CAPRIN1: variants seen among roughly 807,000 people sequenced by gnomAD.
The protein encoded by CAPRIN1 is cell cycle associated protein 1.
In CAPRIN1, 29 loss-of-function variants were observed where a neutral mutation model predicts 100.9. That is an observed-to-expected ratio of 0.29 (90% CI 0.21 to 0.39). The LOEUF (loss-of-function observed/expected upper bound fraction) is 0.39, where lower values mean the gene tolerates loss of function less well. Ranked by LOEUF, CAPRIN1 falls within the 10% of genes least tolerant of loss-of-function variation. The pLI is 1.00. For missense variants in CAPRIN1, 795 were observed against 876.7 expected, an observed-to-expected ratio of 0.91 and a Z score of 1.18; for synonymous variants, 338 against 307.5, an observed-to-expected ratio of 1.10 and a Z score of -1.04.
chr11:34,072,092 T>G (rs1850813694), intron 4 of CAPRIN1, 105 bp downstream of exon 4: 8 of 656,194 alleles, frequency 1.2e-5, no homozygotes, highest in Non-Finnish European at 2.1e-5. Context: ...GAGACAGTTG[T>G]ATCCAATTAT....
At position 34,101,934 on chromosome 11, in the gene CAPRIN1, G is replaced by T. The variant is rs1234225606; in HGVS notation, c.*2567G>T. ...TGCATAATATAAATCATCTCATGTG[G>T]ATATGAAACTTCTTTTTTAAAACTT... On this transcript the variant is annotated 3_prime_UTR_variant, in exon 19 of 19. Coordinates refer to ENST00000341394, the MANE Select transcript of CAPRIN1 (RefSeq NM_005898.5). Among the ~76,000 whole-genome samples, 1 of 152,068 alleles carries T rather than the reference G, an allele frequency of 6.6e-6. No individual in the cohort carries two copies. Among genetic ancestry groups the T allele is most frequent in the African/African-American group, 2.4e-5 (1 of 41,414 alleles).
chr11:34,062,674 A>AG (rs1850605970), intron 2 of CAPRIN1, among the ~76,000 whole-genome samples: 1 of 151,102 alleles, frequency 6.6e-6, no homozygotes. Context: ...GAAAGTTGAG[A>AG]GGAAAAGAAA....
At chr11:34,089,877 A>G (rs935737026) in intron 12 of CAPRIN1, 4 of 194,628 alleles carry the variant, frequency 2.1e-5, no homozygotes, top group Admixed American at 5.7e-5. Context: ...TGAGAATTTC[A>G]GAAGACATAG....
chr11:34,056,175 C>T (rs116125562), intron 2 of CAPRIN1, among the ~76,000 whole-genome samples: 173 of 152,274 alleles, frequency 1.1e-3, no homozygotes, highest in African/African-American at 3.9e-3. Context: ...TAGCAACTTA[C>T]ATTTGAGCTT....
At chr11:34,077,177 A>G (rs1850924841) in intron 6 of CAPRIN1, among the ~76,000 whole-genome samples, 1 of 152,240 alleles carries the variant, frequency 6.6e-6, no homozygotes, top group East Asian at 1.9e-4. Flanking sequence ...AACACCAGCA[A>G]CAAACAACTA....
intron 6 of CAPRIN1, among the ~76,000 whole-genome samples, chr11:34,078,778 C>T (rs1411149169): frequency 1.3e-5 from 2 of 152,070 alleles, no homozygotes; most frequent in Non-Finnish European, 2.9e-5. Context: ...AATGCTCTTT[C>T]TTCTCCCTTG....
chr11:34,096,845 T>C (rs1851376823), intron 16 of CAPRIN1, among the ~76,000 whole-genome samples, 172 bp downstream of exon 16: 1 of 152,254 alleles, frequency 6.6e-6, no homozygotes, highest in African/African-American at 2.4e-5. Context: ...TAATTTGTTA[T>C]TTAAATAACA....
intron 2 of CAPRIN1, among the ~76,000 whole-genome samples, chr11:34,065,442 G>T (rs1008601375): frequency 4.6e-5 from 7 of 152,188 alleles, no homozygotes; most frequent in Admixed American, 3.9e-4. Context: ...CAAATTGCTG[G>T]GTTCCCCCAG....
intron 15 of CAPRIN1, among the ~76,000 whole-genome samples, chr11:34,092,700 A>G (rs1851286100): frequency 6.6e-6 from 1 of 152,216 alleles, no homozygotes; most frequent in South Asian, 2.1e-4. Context: ...GAAGGCTTTT[A>G]GCATGATATC....
At position 34,096,533 on chromosome 11, in the gene CAPRIN1, A is replaced by G. The variant is rs759068488; in HGVS notation, c.1760A>G (p.His587Arg). 3.7e-6 allele frequency: 6 copies of G among 1,614,140 alleles called. No individual in the cohort carries two copies. The highest frequency in any genetic ancestry group is 1.3e-5 in the African/African-American group (1 of 75,038). ...CAGTCCCATCAAGTGACTGGTAACC[A>G]CCAGCAGCCTCCTCAGCAGAACACT... is the stretch of plus-strand genomic sequence containing the variant. ...PDQSHQVTGN[H>R]QQPPQQNTGF... The change falls in exon 16 of 19, where the codon CAC becomes CGC. Residue 587 changes from histidine (H) to arginine (R), a missense_variant. Transcript: ENST00000341394.
At chr11:34,070,963 A>G (rs770717485) in intron 2 of CAPRIN1, among the ~76,000 whole-genome samples, 2 of 151,714 alleles carry the variant, frequency 1.3e-5, no homozygotes, top group East Asian at 2.0e-4. Context: ...TGGCCTCCCA[A>G]AGTGCTGGGA....
intron 2 of CAPRIN1, among the ~76,000 whole-genome samples, chr11:34,058,058 T>G (rs17699090): frequency 0.082 from 12,517 of 152,084 alleles, 525 homozygotes; most frequent in Non-Finnish European, 0.092. Context: ...CCTTAGAATT[T>G]AGTCCAGTTC....
intron 4 of CAPRIN1, among the ~76,000 whole-genome samples, chr11:34,074,932 A>G (rs1219097847): frequency 6.7e-6 from 1 of 149,730 alleles, no homozygotes; most frequent in Non-Finnish European, 1.5e-5. Flanking sequence ...TAATCCTAGT[A>G]TTTTAAGGAG....
chr11:34,090,315 C>A, intron 13 of CAPRIN1, 26 bp downstream of exon 13: 1 of 1,476,562 alleles, frequency 6.8e-7, no homozygotes, highest in South Asian at 1.1e-5. Flanking sequence ...GGGTCACATA[C>A]ATTTGATGAG....
At chr11:34,053,807 C>T (rs559682711) in intron 2 of CAPRIN1, 1 of 152,180 alleles carries the variant, frequency 6.6e-6, no homozygotes, top group East Asian at 1.9e-4. Flanking sequence ...TGAGTAAGAT[C>T]AGAGGTGGAA....
At chr11:34,053,210 C>T in intron 2 of CAPRIN1, 1 of 946,550 alleles carries the variant, frequency 1.1e-6, no homozygotes. Flanking sequence ...CCGGCAGGCC[C>T]ATTTTGAATG....
intron 7 of CAPRIN1, among the ~76,000 whole-genome samples, chr11:34,081,828 G>A (rs777434848): frequency 6.7e-6 from 1 of 148,240 alleles, no homozygotes; most frequent in Non-Finnish European, 1.5e-5. Context: ...TGGGGGACAG[G>A]GGGCACTGAG....
intron 2 of CAPRIN1, among the ~76,000 whole-genome samples, chr11:34,061,862 C>T (rs1850584953): frequency 6.7e-6 from 1 of 149,440 alleles, no homozygotes; most frequent in Non-Finnish European, 1.5e-5. Context: ...TCCCAGTTAC[C>T]TGGGAGTCTG....
Position 34,051,781 on chromosome 11 carries a change from C to G in CAPRIN1, c.-91C>G, listed in dbSNP as rs564236166. ...GGGACAGGGCGAAGCGGCCTGCGCCCACGGAGCGCGCGACACTGCCCGGAA... is the reference window on the plus strand; with the variant it reads ...GGGACAGGGCGAAGCGGCCTGCGCCGACGGAGCGCGCGACACTGCCCGGAA... On this transcript the variant is annotated 5_prime_UTR_variant, in exon 1 of 19. Transcript: ENST00000341394. The G allele has an allele frequency of 5.0e-4, 76 of 152,500 alleles. No homozygotes were observed. Among genetic ancestry groups the G allele is most frequent in the African/African-American group, 1.8e-3 (76 of 41,594 alleles). 9.4% of individuals were successfully genotyped at this position (152,500 alleles called of 1,614,324 possible).
Sources: allele counts gnomAD v4.1 joint callset (sites outside exome capture counted in the v4.1 genomes callset), GRCh38; gene constraint gnomAD v4.1.1; transcripts MANE v1.5; gene names NCBI Gene and HGNC (gene_info 2026-07-23, HGNC 2026-07-21).